RARB: variants seen among roughly 807,000 people sequenced by gnomAD.
RARB encodes HBV-activated protein.
A neutral mutation model predicts 51.9 loss-of-function variants in RARB; 17 were observed. The ratio of observed to expected loss-of-function variants is 0.33; its 90% CI spans 0.22 to 0.49. The LOEUF is 0.49. Ranked by LOEUF, RARB falls within the 20% of genes least tolerant of loss-of-function variation. RARB has a pLI of 0.99. For missense variants in RARB, 369 were observed against 550.8 expected (o/e 0.67, Z 3.30); for synonymous variants, 215 against 195.4 (o/e 1.10, Z -0.84).
intron 3 of RARB, among the ~76,000 whole-genome samples, chr3:25,100,093 C>G (rs1699371625): frequency 6.6e-6 from 1 of 152,156 alleles, no homozygotes; most frequent in African/African-American, 2.4e-5. Flanking sequence ...AGTGCTCATT[C>G]ATTCATTCAT....
chr3:25,457,825 A>G (rs572860481), intron 1 of RARB, among the ~76,000 whole-genome samples: 4 of 152,324 alleles, frequency 2.6e-5, no homozygotes, highest in South Asian at 2.1e-4. Flanking sequence ...ACTTTCCTAG[A>G]CAGGCCAGAT....
intron 3 of RARB, among the ~76,000 whole-genome samples, chr3:25,512,159 C>T (rs772847827): frequency 3.4e-4 from 52 of 152,148 alleles, no homozygotes; most frequent in Non-Finnish European, 6.8e-4. Flanking sequence ...CTTAGCTAAG[C>T]GTTAGCTCCT....
At chr3:25,219,626 A>G (rs1231613873) in intron 5 of RARB, among the ~76,000 whole-genome samples, 1 of 152,094 alleles carries the variant, frequency 6.6e-6, no homozygotes, top group Non-Finnish European at 1.5e-5. Flanking sequence ...TGCCCTCCCC[A>G]CCACTCCCCA....
At chr3:25,237,835 C>T (rs765887096) in intron 5 of RARB, among the ~76,000 whole-genome samples, 2 of 152,088 alleles carry the variant, frequency 1.3e-5, no homozygotes, top group Non-Finnish European at 2.9e-5. Context: ...TTTTGGATAC[C>T]TCATATATAT....
intron 5 of RARB, among the ~76,000 whole-genome samples, chr3:25,180,910 C>A (rs1332029699): frequency 6.6e-6 from 1 of 152,036 alleles, no homozygotes; most frequent in Non-Finnish European, 1.5e-5. Context: ...TTTAACCTTG[C>A]CATGAAAATT....
chr3:25,176,362 C>CTTTCTTTCTTTCTTTCT (rs1700751006), intron 5 of RARB, among the ~76,000 whole-genome samples: 26 of 61,534 alleles, frequency 4.2e-4, no homozygotes, highest in African/African-American at 1.0e-3. Context: ...TCCTTCCTTC[C>CTTTCTTTCTTTCTTTCT]TTCCTTCCTT....
Position 25,390,800 on chromosome 3 carries a change from A to G in RARB, c.179-70393A>G, listed in dbSNP as rs553250667. ...TGCTTCCATCAACAAATATTTATTC[A>G]GCTCTTATTAGATGCCCAGAACCCT... On this transcript the variant is annotated intron_variant, in intron 5 of 11. Transcript: ENST00000383772. 5.3e-5 allele frequency among the ~76,000 whole-genome samples: 8 copies of G among 152,302 alleles called. No homozygotes were observed. The South Asian group carries it at 1.7e-3, about 32-fold the overall frequency.
In RARB at chr3:25,526,154, G is replaced by T. The variant is rs556286298; in HGVS notation, c.448+24831G>T. On this transcript the variant is annotated intron_variant, in intron 3 of 7. Coordinates refer to ENST00000330688, the MANE Select transcript of RARB (RefSeq NM_000965.5). ...TGAGCACAAGTATGGAGAGAAGAGG[G>T]CATTCCAGGTAGGAGAGCAAAGGGG... 2.0e-5 allele frequency among the ~76,000 whole-genome samples: 3 copies of T among 152,286 alleles called. No homozygotes were observed. In the South Asian group the frequency reaches 6.2e-4, roughly 32 times the overall value.
At chr3:25,473,000 A>G (rs1695772142) in intron 2 of RARB, among the ~76,000 whole-genome samples, 1 of 152,214 alleles carries the variant, frequency 6.6e-6, no homozygotes, top group Non-Finnish European at 1.5e-5. Flanking sequence ...CAGATGAAAC[A>G]GTTGTTTTCT....
At chr3:25,502,687 A>G (rs1697377743) in intron 3 of RARB, among the ~76,000 whole-genome samples, 1 of 152,174 alleles carries the variant, frequency 6.6e-6, no homozygotes, top group South Asian at 2.1e-4. Context: ...ATGAGAGGGA[A>G]TTCAAGACTC....
intron 5 of RARB, among the ~76,000 whole-genome samples, chr3:25,414,798 T>G: frequency 6.6e-6 from 1 of 152,354 alleles, no homozygotes; most frequent in South Asian, 2.1e-4. Context: ...TTTTGAATTT[T>G]GGAATTTTTA....
chr3:25,486,997 A>G (rs2125587972), intron 2 of RARB, among the ~76,000 whole-genome samples: 1 of 152,274 alleles, frequency 6.6e-6, no homozygotes, highest in South Asian at 2.1e-4. Flanking sequence ...ATTGCTTTAC[A>G]ACACACCTGA....
At chr3:25,245,191 T>C (rs1374336877) in intron 5 of RARB, among the ~76,000 whole-genome samples, 1 of 152,196 alleles carries the variant, frequency 6.6e-6, no homozygotes, top group Non-Finnish European at 1.5e-5. Context: ...TTTGAGTCTA[T>C]GAGTATCTTT....
chr3:25,119,680 A>G (rs1036377647), intron 3 of RARB, among the ~76,000 whole-genome samples: 8 of 152,076 alleles, frequency 5.3e-5, no homozygotes, highest in African/African-American at 1.9e-4. Context: ...CAACAACAAA[A>G]AAAACACTGC....
In RARB at chr3:25,415,118, G is replaced by A. The variant is rs142555912; in HGVS notation, c.179-46075G>A. 7.6e-4 allele frequency among the ~76,000 whole-genome samples: 115 copies of A among 152,026 alleles called. 1 individual carries two copies. Among genetic ancestry groups the A allele is most frequent in the African/African-American group, 2.2e-3 (90 of 41,490 alleles). ...CGGCCTCCCAAAGTGCTGGGATTGC[G>A]CTTTGCACTATTTTTATCCTACTGT... On this transcript the variant is annotated intron_variant, in intron 5 of 11. Transcript: ENST00000383772.
intron 5 of RARB, among the ~76,000 whole-genome samples, chr3:25,329,968 AT>A (rs1468077096): frequency 6.6e-6 from 1 of 152,222 alleles, no homozygotes; most frequent in Non-Finnish European, 1.5e-5. Context: ...TTAGAGAAAA[AT>A]TAATAAAAAG....
At chr3:25,163,504 A>AAAAAAAAAAAAATAT (rs1303712411) in intron 4 of RARB, among the ~76,000 whole-genome samples, 2 of 131,096 alleles carry the variant, frequency 1.5e-5, no homozygotes, top group African/African-American at 6.4e-5. Context: ...CCTATCTCAA[A>AAAAAAAAAAAAATAT]ATATATATAT....
intron 2 of RARB, among the ~76,000 whole-genome samples, chr3:24,894,791 G>C (rs1343708909): frequency 6.6e-6 from 1 of 152,188 alleles, no homozygotes; most frequent in African/African-American, 2.4e-5. Flanking sequence ...TTAGGGGTCA[G>C]AGAAACAGAA....
intron 2 of RARB, among the ~76,000 whole-genome samples, chr3:24,971,476 C>T (rs1388963206): frequency 6.6e-6 from 1 of 151,920 alleles, no homozygotes; most frequent in African/African-American, 2.4e-5. Flanking sequence ...TCAAGTAGAC[C>T]AATACCAGTA....
Sources: allele counts gnomAD v4.1 joint callset (sites outside exome capture counted in the v4.1 genomes callset), GRCh38; gene constraint gnomAD v4.1.1; transcripts MANE v1.5; gene names NCBI Gene and HGNC (gene_info 2026-07-23, HGNC 2026-07-21).